Variants in TAX1BP1 observed in about 807,000 individuals in gnomAD.
TAX1BP1 encodes tax1-binding protein 1.
TAX1BP1 carries 62 observed loss-of-function variants against 97.7 expected under a neutral mutation model. The observed-to-expected ratio is 0.63, with a 90% CI of 0.52 to 0.78. The LOEUF (loss-of-function observed/expected upper bound fraction) is 0.78, where lower values mean the gene tolerates loss of function less well. Among genes scored for constraint, TAX1BP1 ranks in the 30% least tolerant of loss-of-function variants. The probability of loss-of-function intolerance (pLI) is 0.00; values close to 1 mark genes in which losing one functional copy is unlikely to be tolerated. For missense variants in TAX1BP1, 867 were observed against 916.1 expected, an observed-to-expected ratio of 0.95 and a Z score of 0.69; for synonymous variants, 340 against 304.2, an observed-to-expected ratio of 1.12 and a Z score of -1.23.
intron 5 of TAX1BP1, among the ~76,000 whole-genome samples, chr7:27,777,059 A>C (rs1789061017): frequency 6.6e-6 from 1 of 151,988 alleles, no homozygotes; most frequent in South Asian, 2.1e-4. Flanking sequence ...AGCTTCTTGA[A>C]CATATGGAAT....
At chr7:27,754,966 C>G (rs1788156510) in intron 2 of TAX1BP1, among the ~76,000 whole-genome samples, 1 of 152,158 alleles carries the variant, frequency 6.6e-6, no homozygotes, top group Non-Finnish European at 1.5e-5. Flanking sequence ...CACTTAATCA[C>G]TTACAATTAG....
intron 5 of TAX1BP1, among the ~76,000 whole-genome samples, chr7:27,771,096 A>AAT (rs1562711021): frequency 6.1e-5 from 4 of 65,566 alleles, no homozygotes; most frequent in Admixed American, 2.3e-4. Context: ...GACATTCAGC[A>AAT]ATTTTTTTTT....
chr7:27,805,834 TCAACAA>T (rs201652935), intron 13 of TAX1BP1, among the ~76,000 whole-genome samples: 7 of 151,824 alleles, frequency 4.6e-5, no homozygotes, highest in Non-Finnish European at 7.4e-5. Context: ...AGACTCTGTA[TCAACAA>T]CAACAACAAC....
At chr7:27,791,068 A>G in intron 8 of TAX1BP1, among the ~76,000 whole-genome samples, 1 of 152,074 alleles carries the variant, frequency 6.6e-6, no homozygotes, top group South Asian at 2.1e-4. Context: ...TCTTGAATAT[A>G]TTACATATAA....
chr7:27,748,793 T>A (rs904318619), intron 2 of TAX1BP1, 107 bp downstream of exon 2: 3 of 780,928 alleles, frequency 3.8e-6, no homozygotes, highest in Admixed American at 8.2e-5. Context: ...TAAGACTCAT[T>A]TTTGTAAACA....
chr7:27,744,230 A>G (rs1787732760), intron 1 of TAX1BP1, among the ~76,000 whole-genome samples: 1 of 152,136 alleles, frequency 6.6e-6, no homozygotes, highest in Non-Finnish European at 1.5e-5. Context: ...GGTTCACGCC[A>G]TTCTCCTGCC....
chr7:27,799,107 T>G (rs1165398003), intron 12 of TAX1BP1, among the ~76,000 whole-genome samples: 1 of 152,224 alleles, frequency 6.6e-6, no homozygotes. Context: ...GATTTTCTCC[T>G]GTGTTGTCTT....
chr7:27,814,094 CCTTTTTTTTTTTTTT>C (rs1414107353), intron 13 of TAX1BP1, among the ~76,000 whole-genome samples: 3 of 143,214 alleles, frequency 2.1e-5, no homozygotes, highest in Non-Finnish European at 4.6e-5. Context: ...CCGCACTTGG[CCTTTTTTTTTTTTTT>C]CTTTTTTTTG....
intron 11 of TAX1BP1, among the ~76,000 whole-genome samples, chr7:27,795,453 A>G (rs1789885809): frequency 6.6e-6 from 1 of 152,148 alleles, no homozygotes; most frequent in African/African-American, 2.4e-5. Context: ...CAGAGAGGGG[A>G]AAGAGAATTC....
At chr7:27,794,191 A>AG in intron 10 of TAX1BP1, 132 bp from the exon 11 acceptor site, 1 of 759,660 alleles carries the variant, frequency 1.3e-6, no homozygotes, top group East Asian at 2.9e-5. Context: ...GGCTTTTAAA[A>AG]CAAGAGCAGC....
intron 16 of TAX1BP1, among the ~76,000 whole-genome samples, chr7:27,828,328 G>A (rs1487651799): frequency 2.6e-5 from 4 of 152,140 alleles, no homozygotes; most frequent in Non-Finnish European, 4.4e-5. Flanking sequence ...TCTGTTAAAC[G>A]TGGAAGAATT....
intron 5 of TAX1BP1, among the ~76,000 whole-genome samples, chr7:27,773,865 CTGT>C (rs1425458444): frequency 6.6e-6 from 1 of 151,996 alleles, no homozygotes; most frequent in South Asian, 2.1e-4. Context: ...AGCTGTGCCT[CTGT>C]TAAGTTTTTC....
At chr7:27,794,486 T>C (rs763087208) in intron 11 of TAX1BP1, 40 bp downstream of exon 11, 8 of 1,546,916 alleles carry the variant, frequency 5.2e-6, no homozygotes, top group Non-Finnish European at 1.7e-6. Flanking sequence ...GTGTCCTACA[T>C]TGAAAAGTAC....
intron 13 of TAX1BP1, among the ~76,000 whole-genome samples, chr7:27,804,569 T>C (rs980452045): frequency 6.6e-5 from 10 of 152,228 alleles, no homozygotes; most frequent in African/African-American, 2.4e-4. Flanking sequence ...CAGTTACAAG[T>C]GAGGTCCTCA....
At chr7:27,751,560 A>G (rs1352462537) in intron 2 of TAX1BP1, among the ~76,000 whole-genome samples, 1 of 152,090 alleles carries the variant, frequency 6.6e-6, no homozygotes, top group African/African-American at 2.4e-5. Flanking sequence ...ACCTATCTTT[A>G]TTTTGTCTAC....
intron 2 of TAX1BP1, among the ~76,000 whole-genome samples, chr7:27,757,173 T>G (rs1255527490): frequency 4.6e-5 from 7 of 152,148 alleles, no homozygotes; most frequent in Admixed American, 3.9e-4. Flanking sequence ...GGCTGATGCA[T>G]AAATTTTTGT....
intron 9 of TAX1BP1, among the ~76,000 whole-genome samples, chr7:27,792,717 T>C (rs1024996416): frequency 6.6e-6 from 1 of 152,024 alleles, no homozygotes; most frequent in Non-Finnish European, 1.5e-5. Context: ...ACCTCAGCAC[T>C]TTGGGGGGCT....
intron 4 of TAX1BP1, 75 bp downstream of exon 4, chr7:27,766,096 AT>A: frequency 1.4e-6 from 2 of 1,460,588 alleles, no homozygotes; most frequent in South Asian, 2.6e-5. Flanking sequence ...CATTTTAAGA[AT>A]TTTAAGGTTA....
chr7:27,820,289 G>C (rs1470643036), intron 15 of TAX1BP1, among the ~76,000 whole-genome samples: 1 of 152,058 alleles, frequency 6.6e-6, no homozygotes, highest in Non-Finnish European at 1.5e-5. Flanking sequence ...CTTTTCACAT[G>C]AGCCCTTCAC....
Sources: allele counts gnomAD v4.1 joint callset (sites outside exome capture counted in the v4.1 genomes callset), GRCh38; gene constraint gnomAD v4.1.1; transcripts MANE v1.5; gene names NCBI Gene and HGNC (gene_info 2026-07-23, HGNC 2026-07-21).